NLRP7: variants seen among roughly 807,000 people sequenced by gnomAD.
NLRP7 encodes the protein NLR family pyrin domain containing 7.
NLRP7 carries 72 observed loss-of-function variants against 85.5 expected under a neutral mutation model. The ratio of observed to expected loss-of-function variants is 0.84; its 90% CI spans 0.70 to 1.02. NLRP7 has a LOEUF of 1.02. NLRP7 is among the 50% of genes least tolerant of loss of function. NLRP7 has a pLI of 0.00. For missense variants in NLRP7, 1,243 were observed against 1,219.5 expected (o/e 1.02, Z -0.29); for synonymous variants, 550 against 505.2 (o/e 1.09, Z -1.19).
chr19:54,940,138 G>T lies in NLRP7; in HGVS notation c.681C>A (p.Ile227=), dbSNP rs201456445. ...CCTGCAATTCAGGCCAGTCTTTGGA[G>T]ATCAGCTCTGCAAAACTGCAGGGGC... Residue 227 remains isoleucine (I), a synonymous_variant, in exon 4 of 10, where the codon ATC becomes ATA. Transcript: ENST00000340844. 103 of 1,614,206 alleles carry T rather than the reference G, an allele frequency of 6.4e-5. No homozygotes were observed. Among genetic ancestry groups the T allele is most frequent in the Middle Eastern group, 3.3e-4 (2 of 6,062 alleles).
At chr19:54,960,521 C>T (rs1385078677) in intron 1 of NLRP7, among the ~76,000 whole-genome samples, 5 of 151,864 alleles carry the variant, frequency 3.3e-5, no homozygotes, top group Non-Finnish European at 5.9e-5. Context: ...GGGGTTGCTA[C>T]TTAACATTTC....
chr19:54,938,989 G>A, exon 4 of NLRP7: 1 of 1,614,156 alleles, frequency 6.2e-7, no homozygotes, highest in Non-Finnish European at 8.5e-7. Context: ...AATGCTTCAG[G>A]CTGAAGGAAC....
upstream of NLRP7, among the ~76,000 whole-genome samples, chr19:54,950,126 T>C (rs2069622299): frequency 6.6e-6 from 1 of 150,712 alleles, no homozygotes; most frequent in Admixed American, 6.6e-5. Context: ...AGGAAAGAGT[T>C]CAGAAGAGCT....
rs867577471 is a variant in NLRP7 at position 54,964,244 on chromosome 19, C to T, written c.-77+1796G>A. 1.2e-4 allele frequency among the ~76,000 whole-genome samples: 12 copies of T among 102,312 alleles called. No individual in the cohort carries two copies. In the South Asian group the frequency reaches 2.4e-3, roughly 20 times the overall value. The allele number at this position is 102,312 out of a possible 152,430, so 67.1% of individuals were successfully genotyped here. A position where few individuals can be genotyped will look rare whatever the true frequency, so the allele number is the denominator to read the frequency against. ...TTTTTTTTTTTTTTTTGAGATGGAG[C>T]CTTGCTCTGTCGCCCAGGCTGGAGT... is the stretch of plus-strand genomic sequence containing the variant. On this transcript the variant is annotated intron_variant, in intron 1 of 2. Transcript: ENST00000587103.
intron 1 of NLRP7, among the ~76,000 whole-genome samples, chr19:54,961,858 C>A (rs1173211289): frequency 6.7e-6 from 1 of 150,368 alleles, no homozygotes. Context: ...GGTAGGGTGT[C>A]CATATTAAGA....
intron 9 of NLRP7, among the ~76,000 whole-genome samples, chr19:54,926,758 A>G (rs1017507489): frequency 3.3e-5 from 5 of 151,638 alleles, no homozygotes; most frequent in Admixed American, 1.3e-4. Flanking sequence ...TCTACTAAAA[A>G]TACAAAAATT....
exon 10 of NLRP7, chr19:54,923,794 A>G (rs751358633): frequency 1.2e-6 from 2 of 1,614,080 alleles, no homozygotes; most frequent in Non-Finnish European, 1.7e-6. Flanking sequence ...CATTGCAATC[A>G]ATAGTCAGCT....
intron 1 of NLRP7, among the ~76,000 whole-genome samples, chr19:54,964,279 C>T (rs1273035010): frequency 1.7e-4 from 22 of 131,482 alleles, no homozygotes; most frequent in African/African-American, 5.9e-4. Context: ...TGCAGTGGCG[C>T]GATCTCGGCT....
At position 54,934,872 on chromosome 19, in the gene NLRP7, T is replaced by C. The variant is rs910384976; in HGVS notation, c.2301-213A>G. On this transcript the variant is annotated intron_variant, in intron 6 of 9. Transcript: ENST00000340844. The surrounding 1 kb of genome is among the most constrained non-coding windows in gnomAD (Gnocchi z 6.7). ...TTACAGGCATTCGCCAATTTTTGTA[T>C]TTTTAGTAGAGACGGGATTTCACCA... Among the ~76,000 whole-genome samples the C allele has an allele frequency of 2.6e-5, 4 of 152,060 alleles. No homozygotes were observed. The highest frequency in any genetic ancestry group is 6.6e-5 in the Admixed American group (1 of 15,260).
exon 4 of NLRP7, chr19:54,940,167 T>G (rs1449691485): frequency 6.2e-7 from 1 of 1,614,172 alleles, no homozygotes; most frequent in Non-Finnish European, 8.5e-7. Context: ...CAGGGGCCCA[T>G]GCGGCTGAGC....
At chr19:54,935,265 T>C (rs2068862074) in intron 6 of NLRP7, among the ~76,000 whole-genome samples, 1 of 152,090 alleles carries the variant, frequency 6.6e-6, no homozygotes, top group Non-Finnish European at 1.5e-5. Context: ...GATCTCGCTC[T>C]GTTGCCCAGG....
intron 1 of NLRP7, among the ~76,000 whole-genome samples, chr19:54,963,838 C>G (rs1268614498): frequency 6.7e-6 from 1 of 148,612 alleles, no homozygotes; most frequent in Non-Finnish European, 1.5e-5. Context: ...AAAAAAAAAG[C>G]AAAACAAACA....
intron 1 of NLRP7, among the ~76,000 whole-genome samples, chr19:54,958,304 G>A (rs528683650): frequency 1.7e-4 from 26 of 152,022 alleles, no homozygotes; most frequent in Non-Finnish European, 3.2e-4. Context: ...AAAATAAAGT[G>A]GCTAGGTAAA....
rs2068626962 is a variant in NLRP7 at position 54,930,443 on chromosome 19, C to A, written c.2810+56G>T. 1.0e-5 allele frequency: 13 copies of A among 1,277,214 alleles called. 1 individual carries two copies. The South Asian group carries it at 1.6e-4, about 15-fold the overall frequency. The allele number at this position is 1,277,214 out of a possible 1,614,324, so 79.1% of individuals were successfully genotyped here. On this transcript the variant is annotated intron_variant, in intron 9 of 9. Coordinates refer to ENST00000340844, the Ensembl canonical transcript of NLRP7. Reference sequence around the variant, plus strand: ...CCCCACTGCACTCCAGGCTGGGGGACAGAGCAAGACCCTGTCTCAAAAAAA... The same window carrying A: ...CCCCACTGCACTCCAGGCTGGGGGAAAGAGCAAGACCCTGTCTCAAAAAAA...
chr19:54,934,492 A>G lies in NLRP7; in HGVS notation c.2468T>C (p.Leu823Ser). Reference sequence around the variant, plus strand: ...CCCATGGGAAGAGGAGACTTACGACAACATCTGCAGGAAGTGTTTTGGGCG... The same window carrying G: ...CCCATGGGAAGAGGAGACTTACGACGACATCTGCAGGAAGTGTTTTGGGCG... Residue 823 changes from leucine to serine, a missense_variant, in exon 7 of 10, where the codon TTG (leucine) becomes TCG (serine). By Grantham distance (145) the Leu-to-Ser change is moderately radical. Transcript: ENST00000340844. This position sits in a 1 kb window ranked among gnomAD's most constrained non-coding sequence, Gnocchi z 6.7. 1 of 1,614,138 alleles carries G rather than the reference A, an allele frequency of 6.2e-7. No homozygotes were observed. The highest frequency in any genetic ancestry group is 8.5e-7 in the Non-Finnish European group (1 of 1,179,982).
intron 1 of NLRP7, among the ~76,000 whole-genome samples, chr19:54,943,451 A>G (rs2069323819): frequency 6.6e-6 from 1 of 150,928 alleles, no homozygotes; most frequent in South Asian, 2.1e-4. Context: ...AATACAAACA[A>G]TTAGCCGGGC....
exon 5 of NLRP7, chr19:54,938,237 T>C (rs771580690): frequency 6.2e-7 from 1 of 1,613,944 alleles, no homozygotes; most frequent in South Asian, 1.1e-5. Context: ...GTTAGGTAAG[T>C]GCACCTGCAG....
Position 54,934,304 on chromosome 19 carries a change from T to C in NLRP7, c.2471+185A>G, listed in dbSNP as rs1178939676. On this transcript the variant is annotated intron_variant, in intron 7 of 9. Transcript: ENST00000340844. This position sits in a 1 kb window ranked among gnomAD's most constrained non-coding sequence, Gnocchi z 6.7. ...GTTGGCCAGGTTGGTCTCGAACTCC[T>C]GAACTCAGATGATCCGCCCACCTCT... 1.3e-5 allele frequency among the ~76,000 whole-genome samples: 2 copies of C among 152,152 alleles called. No individual in the cohort carries two copies. The highest frequency in any genetic ancestry group is 1.3e-4 in the Admixed American group (2 of 15,254).
upstream of NLRP7, among the ~76,000 whole-genome samples, chr19:54,950,123 A>G (rs973489806): frequency 3.3e-5 from 5 of 150,492 alleles, no homozygotes; most frequent in African/African-American, 9.8e-5. Flanking sequence ...ACCAGGAAAG[A>G]GTTCAGAAGA....
Sources: gnomAD v4.1 joint callset for allele counts (sites outside exome capture counted in the v4.1 genomes callset) on GRCh38, gnomAD v4.1.1 for gene constraint, Gnocchi (gnomAD v3.1) non-coding constraint, MANE v1.5 for transcripts, NCBI Gene and HGNC (gene_info 2026-07-23, HGNC 2026-07-21) for gene names.